The following CHN1 variants were observed in gnomAD, a reference collection of about 807,000 sequenced individuals.
The protein encoded by CHN1 is chimerin 1.
Under a neutral mutation model 59.5 loss-of-function variants are expected in CHN1, and 37 were observed. That is an observed-to-expected ratio of 0.62 (90% CI 0.48 to 0.82). The LOEUF (loss-of-function observed/expected upper bound fraction) is 0.82, where lower values mean the gene tolerates loss of function less well. Among genes scored for constraint, CHN1 ranks in the 40% least tolerant of loss-of-function variants. CHN1 has a pLI of 0.00. For missense variants in CHN1, 469 were observed against 571.0 expected (o/e 0.82, Z 1.82); for synonymous variants, 206 against 200.4 (o/e 1.03, Z -0.24).
chr2:174,833,795 CTTTT>C (rs35604734), intron 7 of CHN1, among the ~76,000 whole-genome samples: 7 of 112,858 alleles, frequency 6.2e-5, no homozygotes, highest in Admixed American at 9.1e-5. Context: ...ACATACACAT[CTTTT>C]TTTTTTTTTT....
At chr2:174,876,838 C>T (rs114865421) in intron 6 of CHN1, among the ~76,000 whole-genome samples, 2,036 of 152,206 alleles carry the variant, frequency 0.013, 37 homozygotes, top group African/African-American at 0.046. Context: ...GAGCATTTTA[C>T]GCTTGCTATC....
intron 11 of CHN1, among the ~76,000 whole-genome samples, chr2:174,806,708 T>C (rs1684895841): frequency 6.6e-6 from 1 of 152,198 alleles, no homozygotes; most frequent in Non-Finnish European, 1.5e-5. Context: ...GGATGTAAAG[T>C]GCTCGGCAGG....
chr2:174,882,492 T>G (rs1216107297), intron 5 of CHN1, among the ~76,000 whole-genome samples: 1 of 152,198 alleles, frequency 6.6e-6, no homozygotes, highest in African/African-American at 2.4e-5. Context: ...ATATACAGAA[T>G]AGCTTTCGGA....
intron 6 of CHN1, among the ~76,000 whole-genome samples, chr2:174,875,342 T>C (rs1687535219): frequency 6.6e-6 from 1 of 152,222 alleles, no homozygotes; most frequent in Admixed American, 6.5e-5. Context: ...CCCAAGGTCA[T>C]ACAATTAGTT....
intron 3 of CHN1, among the ~76,000 whole-genome samples, chr2:174,941,542 A>C (rs1558990888): frequency 1.3e-5 from 2 of 152,170 alleles, no homozygotes; most frequent in Non-Finnish European, 1.5e-5. Context: ...TCTATCCTAT[A>C]TTACAAACAA....
chr2:174,809,734 A>G (rs902866784), intron 10 of CHN1, among the ~76,000 whole-genome samples: 5 of 152,244 alleles, frequency 3.3e-5, no homozygotes, highest in South Asian at 4.1e-4. Context: ...GGGCTATACC[A>G]TATCAGCAAG....
intron 3 of CHN1, among the ~76,000 whole-genome samples, chr2:174,920,672 T>C (rs1251277526): frequency 6.6e-6 from 1 of 152,182 alleles, no homozygotes. Flanking sequence ...GAAAAACTTT[T>C]GTGCTTCAAT....
chr2:174,865,615 A>T (rs1193529739), intron 6 of CHN1, among the ~76,000 whole-genome samples: 1 of 152,210 alleles, frequency 6.6e-6, no homozygotes, highest in African/African-American at 2.4e-5. Context: ...TATTTCTGTT[A>T]TAATTCTAAG....
At position 175,004,989 on chromosome 2, in the gene CHN1, G is replaced by T. The variant is rs952275073; in HGVS notation, c.-77C>A. On this transcript the variant is annotated 5_prime_UTR_variant, in exon 1 of 13. Transcript: ENST00000409900. ...CTAGGGATCACCTCATCAGCCCGCC[G>T]CACCCACACCTCGGAGAGAGTGGGG... 240 of 1,503,910 alleles carry T rather than the reference G, an allele frequency of 1.6e-4. No homozygotes were observed. Among genetic ancestry groups the T allele is most frequent in the Non-Finnish European group, 2.0e-4 (225 of 1,129,142 alleles). 93.2% of individuals were successfully genotyped at this position (1,503,910 alleles called of 1,614,324 possible).
chr2:174,971,267 G>C (rs1423134518), intron 1 of CHN1, among the ~76,000 whole-genome samples: 3 of 152,126 alleles, frequency 2.0e-5, no homozygotes, highest in Non-Finnish European at 4.4e-5. Context: ...GCAGTGAGCC[G>C]AGATCGTGCC....
intron 1 of CHN1, among the ~76,000 whole-genome samples, chr2:174,975,446 T>C (rs1458734771): frequency 6.6e-6 from 1 of 152,122 alleles, no homozygotes; most frequent in Non-Finnish European, 1.5e-5. Context: ...TCAAAGTAAG[T>C]TGCAGGCATG....
chr2:174,810,271 A>G (rs1041837108), intron 10 of CHN1, among the ~76,000 whole-genome samples: 1 of 152,228 alleles, frequency 6.6e-6, no homozygotes, highest in Non-Finnish European at 1.5e-5. Context: ...CATCATTACT[A>G]TAGATCTTGC....
chr2:174,849,876 C>A (rs1686671258), intron 6 of CHN1, among the ~76,000 whole-genome samples: 1 of 152,156 alleles, frequency 6.6e-6, no homozygotes, highest in African/African-American at 2.4e-5. Flanking sequence ...ACTATATCCA[C>A]CCAGGTGAGA....
intron 6 of CHN1, among the ~76,000 whole-genome samples, chr2:174,848,837 T>C (rs1686631544): frequency 6.6e-6 from 1 of 152,186 alleles, no homozygotes. Context: ...TTTATATACT[T>C]AGATAATTAA....
At chr2:174,914,551 T>G (rs1261923254) in intron 5 of CHN1, among the ~76,000 whole-genome samples, 1 of 152,078 alleles carries the variant, frequency 6.6e-6, no homozygotes, top group Non-Finnish European at 1.5e-5. Context: ...GCAAAATGCT[T>G]TAAAAGCTTT....
chr2:174,827,433 C>G (rs1341926250), intron 7 of CHN1, among the ~76,000 whole-genome samples: 2 of 152,208 alleles, frequency 1.3e-5, no homozygotes, highest in South Asian at 2.1e-4. Context: ...ATCAAAGACA[C>G]GAGGCATGAG....
chr2:174,923,985 A>G (rs1689091958), intron 3 of CHN1, among the ~76,000 whole-genome samples: 1 of 152,190 alleles, frequency 6.6e-6, no homozygotes, highest in South Asian at 2.1e-4. Context: ...TGAAATGTCA[A>G]TCAAAACTTG....
chr2:174,910,984 C>G (rs547618046), intron 5 of CHN1, among the ~76,000 whole-genome samples: 4 of 151,562 alleles, frequency 2.6e-5, no homozygotes, highest in Admixed American at 1.3e-4. Flanking sequence ...TATTAGCTCT[C>G]CACAAGGTTT....
At chr2:174,922,580 A>C (rs1423760479) in intron 3 of CHN1, among the ~76,000 whole-genome samples, 1 of 152,052 alleles carries the variant, frequency 6.6e-6, no homozygotes, top group Non-Finnish European at 1.5e-5. Flanking sequence ...AGTCCTAGCT[A>C]CTCAGGAGGC....
Sources: gnomAD v4.1 joint callset for allele counts (sites outside exome capture counted in the v4.1 genomes callset) on GRCh38, gnomAD v4.1.1 for gene constraint, MANE v1.5 for transcripts, NCBI Gene and HGNC (gene_info 2026-07-23, HGNC 2026-07-21) for gene names.